CUBN: variants seen among roughly 807,000 people sequenced by gnomAD.
The protein encoded by CUBN is 460 kDa receptor.
CUBN carries 282 observed loss-of-function variants against 405.3 expected under a neutral mutation model. The observed-to-expected ratio is 0.70, with a 90% confidence interval of 0.63 to 0.77. The LOEUF (loss-of-function observed/expected upper bound fraction) is 0.77. CUBN is among the 30% of genes least tolerant of loss of function. The pLI, the probability that CUBN is intolerant of heterozygous loss-of-function variation, is 0.00. For missense variants in CUBN, 4,514 were observed against 4,475.2 expected (o/e 1.01, Z -0.25); for synonymous variants, 1,684 against 1,617.0 (o/e 1.04, Z -0.99).
At chr10:16,849,117 G>C (rs969153045) in intron 60 of CUBN, among the ~76,000 whole-genome samples, 3 of 152,078 alleles carry the variant, frequency 2.0e-5, no homozygotes, top group Non-Finnish European at 4.4e-5. Context: ...TTATTTAAAT[G>C]GTTGTCATCC....
In CUBN at chr10:16,857,445, C is replaced by A. The variant is rs572881453; in HGVS notation, c.9455-6002G>T. ...AGGAGAAGGAAAATTTTATCGTTAT[C>A]TTTTAATTTATCTTGCATTATTTAG... is the stretch of plus-strand genomic sequence containing the variant. On this transcript the variant is annotated intron_variant, in intron 59 of 66. Coordinates refer to ENST00000377833, the MANE Select transcript of CUBN (RefSeq NM_001081.4). 3.9e-5 allele frequency among the ~76,000 whole-genome samples: 6 copies of A among 152,272 alleles called. No homozygotes were observed. The South Asian group carries it at 1.2e-3, about 32-fold the overall frequency.
At chr10:16,894,138 A>T (rs1443179187) in intron 54 of CUBN, among the ~76,000 whole-genome samples, 1 of 152,164 alleles carries the variant, frequency 6.6e-6, no homozygotes, top group African/African-American at 2.4e-5. Flanking sequence ...TACATTGCCT[A>T]TGTGAAGAAA....
chr10:16,846,223 T>G (rs1839504456), intron 60 of CUBN, among the ~76,000 whole-genome samples: 1 of 152,228 alleles, frequency 6.6e-6, no homozygotes. Flanking sequence ...GAAACTTATC[T>G]TGCAGATGGT....
intron 27 of CUBN, 45 bp from the exon 28 acceptor site, chr10:17,020,028 T>C: frequency 1.9e-6 from 3 of 1,610,832 alleles, no homozygotes; most frequent in South Asian, 2.2e-5. Context: ...ACATGGTTTG[T>C]GGGATGGAAA....
chr10:17,088,292 G>A lies in CUBN; in HGVS notation c.1819C>T (p.Pro607Ser). 2 of 1,613,536 alleles carry A rather than the reference G, an allele frequency of 1.2e-6. No individual in the cohort carries two copies. Among genetic ancestry groups the A allele is most frequent in the Non-Finnish European group, 1.7e-6 (2 of 1,179,566 alleles). ...TCTCTTCCTGGGGGATAGTTTCCAG[G>A]ATACCCCGGAGACTTAATAGAACCG... ...PYGSIKSPGYPGNYPPGRDCV... is the reference protein window; with the variant it reads ...PYGSIKSPGYSGNYPPGRDCV... The change falls in exon 15 of 67, where the codon CCT becomes TCT. Residue 607 changes from proline to serine, a missense_variant. Physicochemically the swap from Pro to Ser is moderately conservative, Grantham distance 74. This residue lies in a region of CUBN where 1,448 missense variants were observed against 1,388.0 expected (regional missense o/e 1.04). Transcript: ENST00000377833.
chr10:16,982,663 G>A lies in CUBN; in HGVS notation c.4526-10C>T, dbSNP rs775461743. On this transcript the variant is annotated splice_polypyrimidine_tract_variant and intron_variant, in intron 30 of 66. Coordinates refer to ENST00000377833, the MANE Select transcript of CUBN (RefSeq NM_001081.4). ...AAAATCCCACCACAACCTGGAAGTG[G>A]GGAACACAATTATTTCATGAGAGGA... is the stretch of plus-strand genomic sequence containing the variant. The A allele has an allele frequency of 1.8e-4, 291 of 1,609,932 alleles. No homozygotes were observed. Among genetic ancestry groups the A allele is most frequent in the Non-Finnish European group, 2.4e-4 (277 of 1,177,354 alleles).
intron 22 of CUBN, among the ~76,000 whole-genome samples, chr10:17,048,569 C>A (rs1219724965): frequency 6.6e-6 from 1 of 151,928 alleles, no homozygotes; most frequent in Non-Finnish European, 1.5e-5. Flanking sequence ...CCTCTGCCCC[C>A]CGAGTTCAAG....
intron 64 of CUBN, among the ~76,000 whole-genome samples, chr10:16,834,687 C>T (rs1040874284): frequency 2.0e-5 from 3 of 152,066 alleles, no homozygotes; most frequent in East Asian, 3.9e-4. Context: ...TACATATTGC[C>T]CTCTTGAGCC....
At chr10:16,828,579 G>T (rs1588563377) in intron 66 of CUBN, among the ~76,000 whole-genome samples, 1 of 152,112 alleles carries the variant, frequency 6.6e-6, no homozygotes, top group Admixed American at 6.5e-5. Flanking sequence ...TTAGCTGAGT[G>T]TGGTGGCAGG....
chr10:17,106,651 C>T (rs973346063), intron 10 of CUBN, among the ~76,000 whole-genome samples: 1 of 149,494 alleles, frequency 6.7e-6, no homozygotes, highest in Non-Finnish European at 1.5e-5. Context: ...CCCCACTTTA[C>T]AGATGAAGCC....
At position 16,876,705 on chromosome 10, in the gene CUBN, C is replaced by A. The variant is rs2246163; in HGVS notation, c.9106+192G>T. Among the ~76,000 whole-genome samples, 70,295 of 151,942 alleles carry A rather than the reference C, an allele frequency of 0.46. 18,736 individuals are homozygous for A. The highest frequency in any genetic ancestry group is 0.62 in the Middle Eastern group (182 of 292). On this transcript the variant is annotated intron_variant, in intron 57 of 66. Coordinates refer to ENST00000377833, the MANE Select transcript of CUBN (RefSeq NM_001081.4). ...TTCAGAGTAGTTCTAGCCAAAGTTC[C>A]TGAAAAAGGTCCTCTTCTTTTTAAG...
chr10:17,109,710 G>A lies in CUBN; in HGVS notation c.1041C>T (p.Cys347=), dbSNP rs772591631. 1.9e-6 allele frequency: 3 copies of A among 1,613,622 alleles called. No homozygotes were observed. The highest frequency in any genetic ancestry group is 2.7e-5 in the African/African-American group (2 of 74,878). The change falls in exon 10 of 67, where the codon TGC becomes TGT. Residue 347 remains cysteine (C), a synonymous_variant. Coordinates refer to ENST00000377833, the MANE Select transcript of CUBN (RefSeq NM_001081.4). The part of the protein sequence containing the change: ...PPGYQGDGRV[C]TLTDICSVSN... ...TGACTGAGCAGATGTCTGTGAGTGT[G>A]CACACTCTTCCGTCACCCTGGTACC... is the stretch of plus-strand genomic sequence containing the variant.
chr10:16,865,828 C>T (rs570435632), intron 59 of CUBN, among the ~76,000 whole-genome samples: 1 of 152,134 alleles, frequency 6.6e-6, no homozygotes, highest in East Asian at 1.9e-4. Context: ...TGTTTTTTTG[C>T]TCTTTACAAT....
At chr10:17,004,566 C>T (rs1833967156) in intron 28 of CUBN, among the ~76,000 whole-genome samples, 1 of 152,146 alleles carries the variant, frequency 6.6e-6, no homozygotes, top group African/African-American at 2.4e-5. Flanking sequence ...TGCACCAAAT[C>T]ATACACCGCA....
In CUBN at chr10:17,103,806, A is replaced by G. The variant is rs78199318; in HGVS notation, c.1418-569T>C. ...CCTGAGGGACAGACACATCTGGATG[A>G]GAAACAAGGAAGATGTGTGAGGAGG... is the stretch of plus-strand genomic sequence containing the variant. On this transcript the variant is annotated intron_variant, in intron 12 of 66. Transcript: ENST00000377833. Among the ~76,000 whole-genome samples, 1,443 of 152,352 alleles carry G rather than the reference A, an allele frequency of 9.5e-3. 22 individuals are homozygous for G. Among genetic ancestry groups the G allele is most frequent in the African/African-American group, 0.033 (1,366 of 41,580 alleles).
intron 27 of CUBN, among the ~76,000 whole-genome samples, chr10:17,035,139 T>C (rs7100460): frequency 0.026 from 3,911 of 148,116 alleles, 169 homozygotes; most frequent in African/African-American, 0.085. Flanking sequence ...TTCTAGAAAA[T>C]TGGCAAATTC....
At chr10:17,106,343 T>C (rs1836629476) in intron 10 of CUBN, among the ~76,000 whole-genome samples, 1 of 148,454 alleles carries the variant, frequency 6.7e-6, no homozygotes, top group Non-Finnish European at 1.5e-5. Flanking sequence ...CTATGGAATC[T>C]GTAATCCCTG....
chr10:16,966,058 T>G lies in CUBN; in HGVS notation c.4696-11510A>C. 6.5e-6 allele frequency: 3 copies of G among 464,020 alleles called. No individual in the cohort carries two copies. In the East Asian group the frequency reaches 2.1e-4, roughly 32 times the overall value. The allele number at this position is 464,020 out of a possible 1,614,324, so 28.7% of individuals were successfully genotyped here. On this transcript the variant is annotated intron_variant, in intron 31 of 66. Transcript: ENST00000377833. ...TGATTCTGTGAAGCTAAGTGAGATA[T>G]TCACGGTCTCCAAGAAAGAAAACCA...
intron 59 of CUBN, among the ~76,000 whole-genome samples, chr10:16,861,597 A>C (rs1840015543): frequency 6.6e-6 from 1 of 151,190 alleles, no homozygotes. Context: ...CTGTTTTTAC[A>C]GATAAAAAAA....
Sources: allele counts gnomAD v4.1 joint callset (sites outside exome capture counted in the v4.1 genomes callset), GRCh38; gene constraint gnomAD v4.1.1; regional missense constraint gnomAD v4.1.1; transcripts MANE v1.5; gene names NCBI Gene and HGNC (gene_info 2026-07-23, HGNC 2026-07-21).